The following EFL1 variants were observed in gnomAD, a reference collection of about 807,000 sequenced individuals.
The protein encoded by EFL1 is elongation factor-like GTPase 1.
In EFL1, 76 loss-of-function variants were observed where a neutral mutation model predicts 126.7. The observed-to-expected ratio is 0.60, with a 90% CI of 0.50 to 0.73. EFL1 has a LOEUF of 0.73. Among genes scored for constraint, EFL1 ranks in the 30% least tolerant of loss-of-function variants. EFL1 has a pLI of 0.00. For synonymous variants in EFL1, 410 were observed against 448.4 expected, an observed-to-expected ratio of 0.91 and a Z score of 1.08; for missense variants, 1,128 against 1,343.2, an observed-to-expected ratio of 0.84 and a Z score of 2.50.
At chr15:82,130,851 C>G (rs2073634029) in intron 19 of EFL1, among the ~76,000 whole-genome samples, 1 of 151,904 alleles carries the variant, frequency 6.6e-6, no homozygotes, top group African/African-American at 2.4e-5. Flanking sequence ...ACAACAACAA[C>G]AACAACAACA....
chr15:82,237,837 C>A (rs931618480), intron 7 of EFL1, among the ~76,000 whole-genome samples: 2 of 151,310 alleles, frequency 1.3e-5, no homozygotes, highest in Non-Finnish European at 2.9e-5. Context: ...CAGAAAGGAA[C>A]CAACTACAGT....
chr15:82,255,209 A>G (rs1245898325), intron 3 of EFL1, among the ~76,000 whole-genome samples: 1 of 152,202 alleles, frequency 6.6e-6, no homozygotes, highest in Non-Finnish European at 1.5e-5. Flanking sequence ...TGGGTGATAA[A>G]TAGCATCTCA....
chr15:82,230,838 A>T lies in EFL1; in HGVS notation c.855+10T>A. Reference sequence around the variant, plus strand: ...TGACCAACAACCAAAAGGGACATATACCACATTACCTGATCACCCTTCATG... The same window carrying T: ...TGACCAACAACCAAAAGGGACATATTCCACATTACCTGATCACCCTTCATG... On this transcript the variant is annotated intron_variant, in intron 8 of 19. Coordinates refer to ENST00000268206, the MANE Select transcript of EFL1 (RefSeq NM_024580.6). The T allele has an allele frequency of 6.2e-7, 1 of 1,602,692 alleles. No individual in the cohort carries two copies. The highest frequency in any genetic ancestry group is 8.5e-7 in the Non-Finnish European group (1 of 1,175,530).
At chr15:82,235,389 G>A (rs1453616017) in intron 7 of EFL1, among the ~76,000 whole-genome samples, 4 of 152,054 alleles carry the variant, frequency 2.6e-5, no homozygotes, top group Non-Finnish European at 5.9e-5. Context: ...ATAACTTTAA[G>A]AAGATAAACA....
chr15:82,176,336 AT>A (rs1442683541), intron 15 of EFL1, among the ~76,000 whole-genome samples: 1 of 152,228 alleles, frequency 6.6e-6, no homozygotes, highest in African/African-American at 2.4e-5. Flanking sequence ...AAATTGAAAA[AT>A]ATTAGATTAT....
At chr15:82,220,362 T>G in intron 12 of EFL1, 133 bp from the exon 13 acceptor site, 1 of 1,058,240 alleles carries the variant, frequency 9.4e-7, no homozygotes, top group Non-Finnish European at 1.4e-6. Flanking sequence ...GTCCTCTCCC[T>G]GTCTGTAGCA....
At chr15:82,198,938 T>C (rs1423098238) in intron 15 of EFL1, among the ~76,000 whole-genome samples, 1 of 152,026 alleles carries the variant, frequency 6.6e-6, no homozygotes, top group African/African-American at 2.4e-5. Context: ...AAACATATAG[T>C]AAGCACAAAA....
chr15:82,138,235 T>C (rs1003125584), intron 19 of EFL1, among the ~76,000 whole-genome samples: 12 of 152,178 alleles, frequency 7.9e-5, no homozygotes, highest in African/African-American at 2.9e-4. Context: ...GAAGTGTAAC[T>C]GTTCCCCTCT....
At chr15:82,228,160 T>C (rs766727519) in intron 10 of EFL1, 31 bp downstream of exon 10, 5 of 1,565,004 alleles carry the variant, frequency 3.2e-6, no homozygotes, top group Middle Eastern at 2.2e-4. Context: ...ATCAAAACTA[T>C]TTCATTAAAA....
At chr15:82,203,197 C>T (rs1219199372) in intron 15 of EFL1, among the ~76,000 whole-genome samples, 1 of 152,134 alleles carries the variant, frequency 6.6e-6, no homozygotes, top group Non-Finnish European at 1.5e-5. Flanking sequence ...AATATAGGTC[C>T]ACTACTCATC....
chr15:82,218,706 A>C (rs895622886), intron 14 of EFL1, among the ~76,000 whole-genome samples: 3 of 152,212 alleles, frequency 2.0e-5, no homozygotes, highest in Non-Finnish European at 2.9e-5. Context: ...ATACACACCA[A>C]GTGCTGCAAT....
intron 15 of EFL1, among the ~76,000 whole-genome samples, chr15:82,211,144 T>C (rs113466926): frequency 1.3e-3 from 201 of 151,954 alleles, no homozygotes; most frequent in African/African-American, 4.7e-3. Context: ...CAACTCACCC[T>C]AGAAAGCCAA....
chr15:82,240,639 T>C, intron 5 of EFL1, 84 bp from the exon 6 acceptor site: 2 of 1,492,662 alleles, frequency 1.3e-6, no homozygotes, highest in African/African-American at 1.4e-5. Context: ...ATAACCACTC[T>C]AGACTATGCC....
At chr15:82,168,069 C>G (rs1223813780) in intron 15 of EFL1, among the ~76,000 whole-genome samples, 1 of 152,092 alleles carries the variant, frequency 6.6e-6, no homozygotes, top group Non-Finnish European at 1.5e-5. Context: ...AGTACAAGCT[C>G]CCCAGGTAGT....
At chr15:82,159,355 T>C (rs1400082030) in intron 16 of EFL1, among the ~76,000 whole-genome samples, 1 of 151,824 alleles carries the variant, frequency 6.6e-6, no homozygotes, top group Non-Finnish European at 1.5e-5. Flanking sequence ...AATTATAAAG[T>C]AAAAACAATG....
At chr15:82,184,987 C>G (rs150478968) in intron 15 of EFL1, among the ~76,000 whole-genome samples, 1 of 152,168 alleles carries the variant, frequency 6.6e-6, no homozygotes, top group Non-Finnish European at 1.5e-5. Context: ...CCAGACTGTG[C>G]TAACATGAAG....
chr15:82,171,878 TATACACACAC>T (rs1364445511), intron 15 of EFL1, among the ~76,000 whole-genome samples: 2 of 151,732 alleles, frequency 1.3e-5, no homozygotes, highest in Non-Finnish European at 2.9e-5. Flanking sequence ...AAAATTTATA[TATACACACAC>T]ACACACACAC....
chr15:82,229,054 C>A lies in EFL1; in HGVS notation c.912G>T (p.Leu304Phe), dbSNP rs2074793713. The change falls in exon 9 of 20, where the codon TTG becomes TTT. Residue 304 changes from leucine to phenylalanine, a missense_variant. Transcript: ENST00000268206. ...VQLILENIWS[L>F]YDAVLKKDKD... ...CTTACTTTTTCAAAACAGCATCATA[C>A]AAACTCCATATATTTTCCAGGATCA... The A allele has an allele frequency of 5.0e-6, 8 of 1,612,192 alleles. No homozygotes were observed. In the South Asian group the frequency reaches 7.7e-5, roughly 16 times the overall value.
intron 15 of EFL1, among the ~76,000 whole-genome samples, chr15:82,186,164 A>G (rs2074301408): frequency 6.6e-6 from 1 of 152,142 alleles, no homozygotes; most frequent in Non-Finnish European, 1.5e-5. Flanking sequence ...TAATAAAAGC[A>G]AAGGCTAGCT....
Sources: allele counts gnomAD v4.1 joint callset (sites outside exome capture counted in the v4.1 genomes callset), GRCh38; gene constraint gnomAD v4.1.1; transcripts MANE v1.5; gene names NCBI Gene and HGNC (gene_info 2026-07-23, HGNC 2026-07-21).